SLK: variants seen among roughly 807,000 people sequenced by gnomAD.
The protein encoded by SLK is STE20 like kinase, also known as STE20-like serine/threonine-protein kinase.
Under a neutral mutation model 147.7 loss-of-function variants are expected in SLK, and 67 were observed. The observed-to-expected ratio is 0.45, with a 90% confidence interval of 0.37 to 0.56. The LOEUF (loss-of-function observed/expected upper bound fraction) is 0.56, where lower values mean the gene tolerates loss of function less well. Ranked by LOEUF, SLK falls within the 20% of genes least tolerant of loss-of-function variation. SLK has a pLI of 0.00. For missense variants in SLK, 1,136 were observed against 1,438.8 expected, an observed-to-expected ratio of 0.79 and a Z score of 3.41; for synonymous variants, 441 against 475.0, an observed-to-expected ratio of 0.93 and a Z score of 0.93.
intron 12 of SLK, among the ~76,000 whole-genome samples, chr10:104,009,293 A>G (rs1349977982): frequency 6.6e-6 from 1 of 152,192 alleles, no homozygotes; most frequent in Admixed American, 6.5e-5. Flanking sequence ...AAACTAATAA[A>G]TGCATTTTCA....
intron 2 of SLK, 121 bp from the exon 3 acceptor site, chr10:103,992,477 C>T (rs1320266638): frequency 3.4e-6 from 3 of 884,244 alleles, no homozygotes; most frequent in Non-Finnish European, 5.1e-6. Flanking sequence ...ATATCGTTTC[C>T]ATAACCAGAT....
rs148484911 is a variant in SLK, at chr10:103,981,253, C to T, written c.151-9422C>T. On this transcript the variant is annotated intron_variant, in intron 1 of 18. Transcript: ENST00000369755. ...TCTGTATATTCTGGATATTAATCCT[C>T]ATCAGATACATGATTTGTAAATATT... Among the ~76,000 whole-genome samples, 59 of 152,096 alleles carry T rather than the reference C, an allele frequency of 3.9e-4. No individual in the cohort carries two copies. In the East Asian group the frequency reaches 5.4e-3, roughly 14 times the overall value.
At position 104,006,120 on chromosome 10, in the gene SLK, T is replaced by C. The variant is rs1844322636; in HGVS notation, c.2604+85T>C. 2.2e-6 allele frequency: 3 copies of C among 1,343,500 alleles called. No homozygotes were observed. In the South Asian group the frequency reaches 4.1e-5, roughly 18 times the overall value. 83.2% of individuals were successfully genotyped at this position (1,343,500 alleles called of 1,614,324 possible). A position where few individuals can be genotyped will look rare whatever the true frequency, so the allele number is the denominator to read the frequency against. On this transcript the variant is annotated intron_variant, in intron 11 of 18. Coordinates refer to ENST00000369755, the MANE Select transcript of SLK (RefSeq NM_014720.4). ...ATTAAAAACAGACAAACAAAAAAGG[T>C]TGTAGAACTTGTTCTCTGATTGCCA...
At chr10:103,979,653 A>G (rs992215719) in intron 1 of SLK, among the ~76,000 whole-genome samples, 1 of 151,904 alleles carries the variant, frequency 6.6e-6, no homozygotes, top group African/African-American at 2.4e-5. Context: ...TCATATGTTT[A>G]TTGGCCATTT....
At chr10:103,995,321 CTT>C (rs1485636975) in intron 4 of SLK, among the ~76,000 whole-genome samples, 1 of 151,062 alleles carries the variant, frequency 6.6e-6, no homozygotes, top group Non-Finnish European at 1.5e-5. Context: ...CACTAGTAAT[CTT>C]TGATAGCTTA....
At chr10:104,017,589 C>T (rs962596437) in intron 13 of SLK, among the ~76,000 whole-genome samples, 35 of 152,176 alleles carry the variant, frequency 2.3e-4, no homozygotes, top group African/African-American at 7.2e-4. Context: ...AAGCAATTCT[C>T]CTGCCTCAGC....
rs969790509 is a variant in SLK, at chr10:104,013,704, G to A, written c.2877+2796G>A. On this transcript the variant is annotated intron_variant, in intron 13 of 18. Coordinates refer to ENST00000369755, the MANE Select transcript of SLK (RefSeq NM_014720.4). ...AGTCTTCAACGCCCAAATGCAGGAC[G>A]TAAGTCCCACGTGCCTGTGGGAGGA... is the stretch of plus-strand genomic sequence containing the variant. 9.2e-5 allele frequency among the ~76,000 whole-genome samples: 14 copies of A among 152,214 alleles called. No individual in the cohort carries two copies. The East Asian group carries it at 1.9e-3, about 21-fold the overall frequency.
chr10:104,006,249 A>T (rs1844324788), intron 11 of SLK, among the ~76,000 whole-genome samples: 1 of 152,190 alleles, frequency 6.6e-6, no homozygotes, highest in Non-Finnish European at 1.5e-5. Context: ...TTTCTATCCC[A>T]GTCTACCTTA....
intron 11 of SLK, among the ~76,000 whole-genome samples, chr10:104,006,818 G>C (rs1451661044): frequency 1.3e-5 from 2 of 152,138 alleles, no homozygotes; most frequent in East Asian, 3.8e-4. Flanking sequence ...TAAGAAAATA[G>C]TGAACTTTTG....
chr10:104,010,782 A>G (rs780441523), intron 12 of SLK, 34 bp from the exon 13 acceptor site: 2 of 1,322,552 alleles, frequency 1.5e-6, no homozygotes, highest in African/African-American at 3.0e-5. Context: ...AGAAAGTATC[A>G]TTTCCCCACC....
intron 17 of SLK, 100 bp from the exon 18 acceptor site, chr10:104,021,520 T>G: frequency 1.1e-4 from 69 of 642,766 alleles, no homozygotes; most frequent in East Asian, 2.9e-4. Context: ...AGTAATAGCA[T>G]GATATTTGAT....
At position 103,967,913 on chromosome 10, in the gene SLK, G is replaced by T; in HGVS notation, c.150+18G>T. 6.2e-7 allele frequency: 1 copy of T among 1,611,912 alleles called. No homozygotes were observed. Among genetic ancestry groups the T allele is most frequent in the Non-Finnish European group, 8.5e-7 (1 of 1,178,690 alleles). The stretch of plus-strand genomic sequence containing the variant: ...TGTACAAGGTAAGAGGGGGAAAACG[G>T]GAAGTTGTACTGCGAAGGTAAAACA... On this transcript the variant is annotated intron_variant, in intron 1 of 18. Coordinates refer to ENST00000369755, the MANE Select transcript of SLK (RefSeq NM_014720.4).
chr10:104,008,451 G>C, intron 12 of SLK, 95 bp downstream of exon 12: 1 of 804,124 alleles, frequency 1.2e-6, no homozygotes, highest in Non-Finnish European at 2.0e-6. Flanking sequence ...AATAATACTT[G>C]AGAGTTAAAT....
chr10:104,027,319 A>T lies in SLK; in HGVS notation c.*1599A>T, dbSNP rs942721896. The T allele has an allele frequency of 6.6e-6, 1 of 152,588 alleles. No homozygotes were observed. Among genetic ancestry groups the T allele is most frequent in the Non-Finnish European group, 1.5e-5 (1 of 68,032 alleles). The allele number at this position is 152,588 out of a possible 1,614,324, so 9.5% of individuals were successfully genotyped here. On this transcript the variant is annotated 3_prime_UTR_variant, in exon 19 of 19. Coordinates refer to ENST00000369755, the MANE Select transcript of SLK (RefSeq NM_014720.4). ...GTTTTGACAAGCATAATTTACTTGG[A>T]CAACTTCGTAGGTAGCCTTAACTTC...
chr10:103,986,097 C>T (rs1015115389), intron 1 of SLK, among the ~76,000 whole-genome samples: 2 of 152,120 alleles, frequency 1.3e-5, no homozygotes, highest in Non-Finnish European at 2.9e-5. Flanking sequence ...TTCAGTAGTG[C>T]CCATCCTCTT....
At chr10:103,985,296 G>A (rs116893761) in intron 1 of SLK, among the ~76,000 whole-genome samples, 1,944 of 152,236 alleles carry the variant, frequency 0.013, 23 homozygotes, top group Non-Finnish European at 0.017. Context: ...GCTGTATTAC[G>A]TTTCTTTTCT....
At chr10:103,968,827 C>T (rs1465457434) in intron 1 of SLK, among the ~76,000 whole-genome samples, 1 of 152,204 alleles carries the variant, frequency 6.6e-6, no homozygotes, top group South Asian at 2.1e-4. Context: ...TATTAGTATC[C>T]ACATTTCACA....
intron 4 of SLK, among the ~76,000 whole-genome samples, chr10:103,998,507 A>G (rs978104563): frequency 2.6e-5 from 4 of 152,206 alleles, no homozygotes; most frequent in Admixed American, 6.5e-5. Flanking sequence ...AGGTTGCTTT[A>G]GTATAATTTC....
chr10:104,000,077 G>T, intron 7 of SLK, 129 bp downstream of exon 7: 1 of 460,140 alleles, frequency 2.2e-6, no homozygotes, highest in Non-Finnish European at 3.9e-6. Context: ...GTTAACATTT[G>T]CTTTACAAAA....
Sources: allele counts gnomAD v4.1 joint callset (sites outside exome capture counted in the v4.1 genomes callset), GRCh38; gene constraint gnomAD v4.1.1; transcripts MANE v1.5; gene names NCBI Gene and HGNC (gene_info 2026-07-23, HGNC 2026-07-21).